The following ARHGEF7 variants were observed in gnomAD, a reference collection of about 807,000 sequenced individuals.
ARHGEF7 encodes the protein Rho guanine nucleotide exchange factor 7.
ARHGEF7 carries 33 observed loss-of-function variants against 109.8 expected under a neutral mutation model. The observed-to-expected ratio is 0.30, with a 90% confidence interval of 0.23 to 0.40. The LOEUF is 0.40. Ranked by LOEUF, ARHGEF7 falls within the 10% of genes least tolerant of loss-of-function variation. The pLI is 1.00. For missense variants in ARHGEF7, 938 were observed against 1,098.5 expected (o/e 0.85, Z 2.07); for synonymous variants, 458 against 424.6 (o/e 1.08, Z -0.97).
rs2085572820 is a variant in ARHGEF7 at position 111,228,745 on chromosome 13, T to C, written c.671-4460T>C. Among the ~76,000 whole-genome samples, 1 of 152,046 alleles carries C rather than the reference T, an allele frequency of 6.6e-6. No individual in the cohort carries two copies. The highest frequency in any genetic ancestry group is 6.6e-5 in the Admixed American group (1 of 15,266). ...GGCAGACACACACAGACATTGACTC[T>C]GTGAACTCTGAGTGCGTGAGTAACA... On this transcript the variant is annotated intron_variant, in intron 5 of 21. Transcript: ENST00000646102. The surrounding 1 kb of genome is among the most constrained non-coding windows in gnomAD (Gnocchi z 4.6).
In ARHGEF7 at chr13:111,138,322, C is replaced by CA. The variant is rs368194250; in HGVS notation, c.166-15574dup. The stretch of plus-strand genomic sequence containing the variant: ...GAGCGAAACTCTGTCTCAAAAAAAA[C>CA]AAAAAAAAATTAGCCGGGTGTGGTG... On this transcript the variant is annotated intron_variant, in intron 1 of 21. Transcript: ENST00000646102. 1.7e-3 allele frequency among the ~76,000 whole-genome samples: 261 copies of CA among 149,864 alleles called. 3 individuals carry two copies. The highest frequency in any genetic ancestry group is 5.5e-3 in the African/African-American group (224 of 40,828).
intron 2 of ARHGEF7, among the ~76,000 whole-genome samples, chr13:111,166,503 G>A (rs1033334795): frequency 2.0e-5 from 3 of 152,226 alleles, no homozygotes; most frequent in Non-Finnish European, 4.4e-5. Flanking sequence ...GCACCAATCC[G>A]GGTGACCTCC....
At chr13:111,125,358 A>G (rs976032933) in intron 1 of ARHGEF7, among the ~76,000 whole-genome samples, 1 of 146,880 alleles carries the variant, frequency 6.8e-6, no homozygotes, top group African/African-American at 2.5e-5. Flanking sequence ...TATTTTGTGC[A>G]TAACTTTATT....
chr13:111,156,569 T>C (rs1024147749), intron 2 of ARHGEF7, among the ~76,000 whole-genome samples: 5 of 152,266 alleles, frequency 3.3e-5, no homozygotes, highest in East Asian at 1.9e-4. Context: ...AGTCATTTTG[T>C]ATGCTATGCA....
At chr13:111,147,689 CCTT>C (rs1278997794) in intron 1 of ARHGEF7, among the ~76,000 whole-genome samples, 7 of 139,666 alleles carry the variant, frequency 5.0e-5, no homozygotes, top group Non-Finnish European at 9.2e-5. Context: ...TCAGAGGTCA[CCTT>C]TTTTTTTTTT....
intron 15 of ARHGEF7, 126 bp downstream of exon 15, chr13:111,280,803 T>C (rs2092736257): frequency 1.1e-5 from 12 of 1,108,840 alleles, no homozygotes; most frequent in Middle Eastern, 3.1e-4. Flanking sequence ...AAACACTTGC[T>C]TCACATTTCT....
chr13:111,150,868 T>A (rs2075853932), intron 1 of ARHGEF7, among the ~76,000 whole-genome samples: 1 of 152,216 alleles, frequency 6.6e-6, no homozygotes, highest in African/African-American at 2.4e-5. Context: ...AACTGGGGCA[T>A]TATCCAAAAT....
At chr13:111,246,354 C>T (rs2088844951) in intron 8 of ARHGEF7, among the ~76,000 whole-genome samples, 1 of 152,114 alleles carries the variant, frequency 6.6e-6, no homozygotes, top group Non-Finnish European at 1.5e-5. Flanking sequence ...CAGCTTGTGC[C>T]TATTTAGGTT....
At chr13:111,288,132 G>A (rs533336520) in intron 17 of ARHGEF7, among the ~76,000 whole-genome samples, 19 of 152,182 alleles carry the variant, frequency 1.2e-4, no homozygotes, top group Admixed American at 2.0e-4. Context: ...GATGTTCGCC[G>A]TTTTTCCAAA....
At chr13:111,231,178 C>T (rs2085997976) in intron 5 of ARHGEF7, among the ~76,000 whole-genome samples, 1 of 152,152 alleles carries the variant, frequency 6.6e-6, no homozygotes. Context: ...TATCCTGCCT[C>T]CAAATTGTAG....
chr13:111,120,419 A>T (rs1208629996), intron 1 of ARHGEF7, among the ~76,000 whole-genome samples: 1 of 152,234 alleles, frequency 6.6e-6, no homozygotes, highest in East Asian at 1.9e-4. Flanking sequence ...ACTTATGCAC[A>T]CACGCATGCA....
intron 1 of ARHGEF7, among the ~76,000 whole-genome samples, chr13:111,149,656 G>T (rs912962585): frequency 2.6e-5 from 4 of 152,186 alleles, no homozygotes; most frequent in African/African-American, 7.2e-5. Context: ...GTACTCATAT[G>T]CAGTATTTCT....
At chr13:111,300,505 G>A (rs150487845) in intron 19 of ARHGEF7, among the ~76,000 whole-genome samples, 2,755 of 152,262 alleles carry the variant, frequency 0.018, 45 homozygotes, top group Middle Eastern at 0.078. Flanking sequence ...CCGTAATTCC[G>A]ATTTGAAAAG....
intron 8 of ARHGEF7, chr13:111,265,556 G>A: frequency 2.2e-6 from 1 of 456,738 alleles, no homozygotes; most frequent in Non-Finnish European, 4.4e-6. Flanking sequence ...CATGGAGGTG[G>A]AACCGGGAAG....
intron 4 of ARHGEF7, among the ~76,000 whole-genome samples, chr13:111,216,624 G>A (rs997719119): frequency 6.6e-6 from 1 of 152,212 alleles, no homozygotes; most frequent in Non-Finnish European, 1.5e-5. Context: ...GGACTCTGCT[G>A]ATGTCGCTGG....
intron 1 of ARHGEF7, among the ~76,000 whole-genome samples, chr13:111,149,189 T>G (rs1440874429): frequency 6.6e-6 from 1 of 151,788 alleles, no homozygotes; most frequent in Non-Finnish European, 1.5e-5. Context: ...GCGGGCAGAT[T>G]GCTTGAGCCC....
At chr13:111,140,102 C>T (rs747661527) in intron 1 of ARHGEF7, among the ~76,000 whole-genome samples, 1 of 152,178 alleles carries the variant, frequency 6.6e-6, no homozygotes, top group African/African-American at 2.4e-5. Context: ...TTTTGGTAGC[C>T]ATAATCAAGT....
At position 111,123,772 on chromosome 13, in the gene ARHGEF7, G is replaced by A. The variant is rs58195801; in HGVS notation, c.165+8081G>A. Among the ~76,000 whole-genome samples, 1,167 of 152,170 alleles carry A rather than the reference G, an allele frequency of 7.7e-3. 19 individuals carry two copies. Among genetic ancestry groups the A allele is most frequent in the African/African-American group, 0.025 (1,051 of 41,514 alleles). On this transcript the variant is annotated intron_variant, in intron 1 of 21. Transcript: ENST00000646102. ...TTAACCCTCCTCACCACCCTATAAG[G>A]GAGGTGGTGACAGGATCGCCCCCAT...
At chr13:111,217,938 T>A in intron 5 of ARHGEF7, 58 bp downstream of exon 5, 1 of 1,492,022 alleles carries the variant, frequency 6.7e-7, no homozygotes, top group East Asian at 2.4e-5. Context: ...AAGAAGTAAA[T>A]GTACTTGACA....
Sources: allele counts gnomAD v4.1 joint callset (sites outside exome capture counted in the v4.1 genomes callset), GRCh38; gene constraint gnomAD v4.1.1; non-coding constraint Gnocchi (gnomAD v3.1); transcripts MANE v1.5; gene names NCBI Gene and HGNC (gene_info 2026-07-23, HGNC 2026-07-21).